Variants in LRFN5 observed in about 807,000 individuals in gnomAD.
LRFN5 encodes the protein leucine rich repeat and fibronectin type III domain containing 5.
In LRFN5, 24 loss-of-function variants were observed where a neutral mutation model predicts 45.6. The observed-to-expected ratio is 0.53, with a 90% CI of 0.38 to 0.74. The LOEUF is 0.74. Among genes scored for constraint, LRFN5 ranks in the 30% least tolerant of loss-of-function variants. The pLI is 0.00. For missense variants in LRFN5, 776 were observed against 861.5 expected, an observed-to-expected ratio of 0.90 and a Z score of 1.24; for synonymous variants, 340 against 313.8, an observed-to-expected ratio of 1.08 and a Z score of -0.88.
intron 2 of LRFN5, among the ~76,000 whole-genome samples, chr14:41,820,875 A>C (rs1005112244): frequency 6.6e-6 from 1 of 151,980 alleles, no homozygotes; most frequent in Non-Finnish European, 1.5e-5. Flanking sequence ...TTTTGTAGCT[A>C]TTATAAATGG....
At chr14:41,743,866 T>G (rs1057045804) in intron 1 of LRFN5, among the ~76,000 whole-genome samples, 2 of 152,108 alleles carry the variant, frequency 1.3e-5, no homozygotes, top group Non-Finnish European at 2.9e-5. Context: ...TCGTTTGTAC[T>G]TTAGGAAAAA....
chr14:41,834,463 A>G (rs967702476), intron 2 of LRFN5, among the ~76,000 whole-genome samples: 1 of 152,184 alleles, frequency 6.6e-6, no homozygotes, highest in Non-Finnish European at 1.5e-5. Flanking sequence ...ATTTAATCCT[A>G]TTAACATTCA....
intron 2 of LRFN5, among the ~76,000 whole-genome samples, chr14:41,871,806 A>G (rs904567246): frequency 1.3e-5 from 2 of 152,084 alleles, no homozygotes; most frequent in Non-Finnish European, 2.9e-5. Flanking sequence ...ATCTCTTATC[A>G]CAGTCCAACT....
At chr14:41,669,872 T>G (rs1485037711) in intron 1 of LRFN5, among the ~76,000 whole-genome samples, 1 of 150,786 alleles carries the variant, frequency 6.6e-6, no homozygotes, top group Non-Finnish European at 1.5e-5. Context: ...CTCTAATAAT[T>G]GAAAAAAGGA....
chr14:41,690,017 T>G (rs1177721920), intron 1 of LRFN5, among the ~76,000 whole-genome samples: 3 of 152,010 alleles, frequency 2.0e-5, no homozygotes, highest in African/African-American at 7.3e-5. Context: ...AACTCTCTTT[T>G]CAAAATAGGA....
intron 2 of LRFN5, among the ~76,000 whole-genome samples, chr14:41,864,630 A>C (rs1013562838): frequency 6.6e-6 from 1 of 152,144 alleles, no homozygotes; most frequent in Non-Finnish European, 1.5e-5. Flanking sequence ...TCACATTCTG[A>C]GGTACTGGGA....
intron 1 of LRFN5, among the ~76,000 whole-genome samples, chr14:41,646,483 A>C (rs1879824724): frequency 6.6e-6 from 1 of 152,126 alleles, no homozygotes; most frequent in Admixed American, 6.6e-5. Flanking sequence ...CAGACAAGGG[A>C]GAAGTCTCAG....
chr14:41,845,175 G>A (rs1011612678), intron 2 of LRFN5, among the ~76,000 whole-genome samples: 12 of 151,834 alleles, frequency 7.9e-5, no homozygotes, highest in East Asian at 1.9e-4. Context: ...ATCCAGTTAC[G>A]GTTTAGCTAG....
intron 2 of LRFN5, among the ~76,000 whole-genome samples, chr14:41,856,675 A>ATTTTTT (rs1555326982): frequency 3.8e-4 from 7 of 18,336 alleles, no homozygotes; most frequent in Non-Finnish European, 5.1e-4. Context: ...TATTATTATT[A>ATTTTTT]TTTTTTTTTT....
chr14:41,832,221 A>G (rs1888508618), intron 2 of LRFN5, among the ~76,000 whole-genome samples: 1 of 152,128 alleles, frequency 6.6e-6, no homozygotes, highest in Admixed American at 6.6e-5. Flanking sequence ...ATTATTCTGG[A>G]ACAAATTTTT....
At chr14:41,823,420 CTTATCT>C (rs1888191742) in intron 2 of LRFN5, among the ~76,000 whole-genome samples, 2 of 73,916 alleles carry the variant, frequency 2.7e-5, no homozygotes, top group African/African-American at 1.7e-4. Flanking sequence ...AAATTCTTGG[CTTATCT>C]ATATCTATAT....
At chr14:41,892,007 A>C in intron 4 of LRFN5, 45 bp downstream of exon 4, 1 of 1,590,378 alleles carries the variant, frequency 6.3e-7, no homozygotes, top group South Asian at 1.2e-5. Flanking sequence ...AGCAAGGCAC[A>C]AGTACTCCCT....
chr14:41,745,627 A>C (rs1007241309), intron 1 of LRFN5, among the ~76,000 whole-genome samples: 7 of 148,524 alleles, frequency 4.7e-5, no homozygotes. Flanking sequence ...AAATTTATGA[A>C]TATTGGACTA....
At chr14:41,632,028 G>A (rs1042191422) in intron 1 of LRFN5, among the ~76,000 whole-genome samples, 2 of 152,066 alleles carry the variant, frequency 1.3e-5, no homozygotes, top group Non-Finnish European at 2.9e-5. Flanking sequence ...GAAAAACAAG[G>A]GAGGACTAAA....
intron 1 of LRFN5, among the ~76,000 whole-genome samples, chr14:41,670,797 A>G (rs1017610194): frequency 6.6e-5 from 10 of 152,016 alleles, no homozygotes; most frequent in African/African-American, 2.4e-4. Flanking sequence ...GAGAAAACAC[A>G]CTAAATTTTC....
chr14:41,637,632 G>A (rs759188329), intron 1 of LRFN5, among the ~76,000 whole-genome samples: 9 of 152,096 alleles, frequency 5.9e-5, no homozygotes, highest in Admixed American at 1.3e-4. Flanking sequence ...GGGTGGATCC[G>A]TGTTATTCTT....
chr14:41,861,383 A>G (rs1301693362), intron 2 of LRFN5, among the ~76,000 whole-genome samples: 1 of 152,140 alleles, frequency 6.6e-6, no homozygotes, highest in Non-Finnish European at 1.5e-5. Flanking sequence ...CTACTTGTTT[A>G]TATGCTTATT....
intron 1 of LRFN5, among the ~76,000 whole-genome samples, chr14:41,676,115 G>C (rs1004233669): frequency 3.3e-5 from 5 of 152,156 alleles, no homozygotes; most frequent in African/African-American, 1.2e-4. Flanking sequence ...TCACCCTCTT[G>C]CCAAATGTTG....
chr14:41,811,656 C>T (rs1320850835), intron 2 of LRFN5, among the ~76,000 whole-genome samples: 8 of 151,958 alleles, frequency 5.3e-5, no homozygotes, highest in Non-Finnish European at 1.2e-4. Flanking sequence ...TGAAAGGAGC[C>T]AGTCAGAGAG....
Sources: gnomAD v4.1 joint callset for allele counts (sites outside exome capture counted in the v4.1 genomes callset) on GRCh38, gnomAD v4.1.1 for gene constraint, MANE v1.5 for transcripts, NCBI Gene and HGNC (gene_info 2026-07-23, HGNC 2026-07-21) for gene names.